ADAMTS3: variants seen among roughly 807,000 people sequenced by gnomAD.
The protein encoded by ADAMTS3 is ADAM metallopeptidase with thrombospondin type 1 motif 3.
A neutral mutation model predicts 129.0 loss-of-function variants in ADAMTS3; 73 were observed. That is an observed-to-expected ratio of 0.57 (90% CI 0.47 to 0.69). The LOEUF is 0.69. Among genes scored for constraint, ADAMTS3 ranks in the 30% least tolerant of loss-of-function variants. The pLI, the probability that ADAMTS3 is intolerant of heterozygous loss-of-function variation, is 0.00. For missense variants in ADAMTS3, 1,457 were observed against 1,514.5 expected (o/e 0.96, Z 0.63); for synonymous variants, 477 against 510.8 (o/e 0.93, Z 0.89).
intron 3 of ADAMTS3, among the ~76,000 whole-genome samples, chr4:72,486,550 G>A (rs969721274): frequency 2.6e-5 from 4 of 152,166 alleles, no homozygotes; most frequent in Non-Finnish European, 5.9e-5. Context: ...GCTTTGGATG[G>A]ATTCTATTTT....
chr4:72,461,387 C>G (rs376932238), intron 3 of ADAMTS3, among the ~76,000 whole-genome samples: 12 of 151,666 alleles, frequency 7.9e-5, no homozygotes, highest in Non-Finnish European at 1.8e-4. Context: ...ATTTCTCATG[C>G]CATCTGTAAT....
chr4:72,424,291 C>T (rs1287512590), intron 3 of ADAMTS3, among the ~76,000 whole-genome samples: 5 of 152,072 alleles, frequency 3.3e-5, no homozygotes, highest in African/African-American at 4.8e-5. Flanking sequence ...GCAAATGAAT[C>T]TAACCTTAAC....
At chr4:72,522,599 T>C (rs1382831834) in intron 3 of ADAMTS3, among the ~76,000 whole-genome samples, 1 of 152,138 alleles carries the variant, frequency 6.6e-6, no homozygotes, top group Non-Finnish European at 1.5e-5. Context: ...AATTAGACCA[T>C]TTTTTATGAC....
intron 3 of ADAMTS3, among the ~76,000 whole-genome samples, chr4:72,430,633 G>A (rs1472219035): frequency 1.3e-5 from 2 of 152,058 alleles, no homozygotes; most frequent in Non-Finnish European, 2.9e-5. Flanking sequence ...ATTAACTGTT[G>A]TTTTATGCTC....
chr4:72,400,297 G>T (rs1240932111), intron 4 of ADAMTS3, among the ~76,000 whole-genome samples: 1 of 146,398 alleles, frequency 6.8e-6, no homozygotes, highest in Non-Finnish European at 1.5e-5. Flanking sequence ...GTGTATATAC[G>T]TGTGTATATA....
chr4:72,406,526 A>G (rs1253359479), intron 4 of ADAMTS3, among the ~76,000 whole-genome samples: 3 of 152,266 alleles, frequency 2.0e-5, no homozygotes, highest in East Asian at 3.9e-4. Context: ...TTCGCTTCCC[A>G]TTTACTTAAT....
chr4:72,510,386 C>T (rs1720280928), intron 3 of ADAMTS3, among the ~76,000 whole-genome samples: 5 of 151,858 alleles, frequency 3.3e-5, no homozygotes, highest in Admixed American at 2.6e-4. Flanking sequence ...AAACACTCCA[C>T]CAAAAAACTA....
intron 3 of ADAMTS3, among the ~76,000 whole-genome samples, chr4:72,478,175 T>G (rs142283433): frequency 6.6e-6 from 1 of 152,146 alleles, no homozygotes; most frequent in African/African-American, 2.4e-5. Context: ...AGAGGGAATC[T>G]TCTCTAACTC....
At chr4:72,483,049 C>G (rs1192702020) in intron 3 of ADAMTS3, among the ~76,000 whole-genome samples, 1 of 152,126 alleles carries the variant, frequency 6.6e-6, no homozygotes, top group Non-Finnish European at 1.5e-5. Context: ...AACGTCCTAT[C>G]AACCATTATT....
At chr4:72,314,095 A>C (rs371374888) in intron 11 of ADAMTS3, among the ~76,000 whole-genome samples, 3 of 152,174 alleles carry the variant, frequency 2.0e-5, no homozygotes, top group African/African-American at 7.2e-5. Context: ...AGCATCAAAC[A>C]CTATAATCAA....
chr4:72,350,131 C>G (rs897195252), intron 4 of ADAMTS3, among the ~76,000 whole-genome samples: 2 of 151,922 alleles, frequency 1.3e-5, no homozygotes, highest in Non-Finnish European at 2.9e-5. Flanking sequence ...AATTGTTGAG[C>G]CATTCCTAAA....
At chr4:72,386,693 A>C (rs949525257) in intron 4 of ADAMTS3, among the ~76,000 whole-genome samples, 1 of 152,188 alleles carries the variant, frequency 6.6e-6, no homozygotes, top group African/African-American at 2.4e-5. Context: ...CATAAACTAA[A>C]TAGTAGATAA....
chr4:72,502,016 G>A (rs1720039765), intron 3 of ADAMTS3, among the ~76,000 whole-genome samples: 1 of 152,102 alleles, frequency 6.6e-6, no homozygotes, highest in African/African-American at 2.4e-5. Flanking sequence ...TAGTTTGCTA[G>A]TATTTCCTTT....
intron 3 of ADAMTS3, among the ~76,000 whole-genome samples, chr4:72,531,452 T>C (rs1578770019): frequency 6.6e-6 from 1 of 152,080 alleles, no homozygotes; most frequent in African/African-American, 2.4e-5. Context: ...CCCAGACACA[T>C]ACAAATCATC....
chr4:72,519,878 T>C lies in ADAMTS3; in HGVS notation c.504+28600A>G, dbSNP rs542803887. Among the ~76,000 whole-genome samples, 23 of 152,352 alleles carry C rather than the reference T, an allele frequency of 1.5e-4. No homozygotes were observed. The East Asian group carries it at 2.9e-3, about 19-fold the overall frequency. On this transcript the variant is annotated intron_variant, in intron 3 of 21. Coordinates refer to ENST00000286657, the MANE Select transcript of ADAMTS3 (RefSeq NM_014243.3). ...CCATCCAGCTTTGTTCCATTGCTGG[T>C]GAAGAACTGCGTTCCTTTGGAGGAG...
At position 72,309,430 on chromosome 4, in the gene ADAMTS3, T is replaced by C; in HGVS notation, c.2146A>G (p.Lys716Glu). Residue 716 changes from lysine to glutamate, a missense_variant, in exon 15 of 22, where the codon AAG becomes GAG. By Grantham distance (56) the Lys-to-Glu change is moderately conservative (BLOSUM62 1). Coordinates refer to ENST00000286657, the MANE Select transcript of ADAMTS3 (RefSeq NM_014243.3). ...GGDNSHCRTV[K>E]GTFTRTPRKL... ...CTGGGAGTTCTGGTAAATGTCCCCT[T>C]CACGGTTCGGCAGTGGGAATTATCT... 3 of 1,612,158 alleles carry C rather than the reference T, an allele frequency of 1.9e-6. No individual in the cohort carries two copies. Among genetic ancestry groups the C allele is most frequent in the South Asian group, 2.2e-5 (2 of 91,028 alleles).
chr4:72,297,886 G>A (rs770630255), intron 18 of ADAMTS3, among the ~76,000 whole-genome samples: 2 of 152,122 alleles, frequency 1.3e-5, no homozygotes, highest in Non-Finnish European at 2.9e-5. Context: ...GTAACCAATA[G>A]CTCTTTTGTT....
chr4:72,462,402 T>C (rs1718795240), intron 3 of ADAMTS3, among the ~76,000 whole-genome samples: 1 of 151,990 alleles, frequency 6.6e-6, no homozygotes, highest in Non-Finnish European at 1.5e-5. Context: ...GTTGAAACAA[T>C]GCGCAGTCAT....
chr4:72,527,091 C>A (rs956300468), intron 3 of ADAMTS3, among the ~76,000 whole-genome samples: 4 of 152,016 alleles, frequency 2.6e-5, no homozygotes, highest in African/African-American at 9.7e-5. Flanking sequence ...CATGGTAACT[C>A]AAAACAACAA....
Sources: gnomAD v4.1 joint callset for allele counts (sites outside exome capture counted in the v4.1 genomes callset) on GRCh38, gnomAD v4.1.1 for gene constraint, MANE v1.5 for transcripts, NCBI Gene and HGNC (gene_info 2026-07-23, HGNC 2026-07-21) for gene names.